BTBD2: variants seen among roughly 807,000 people sequenced by gnomAD.
BTBD2 encodes the protein BTB domain containing 2.
BTBD2 carries 15 observed loss-of-function variants against 44.0 expected under a neutral mutation model. The observed-to-expected ratio is 0.34, with a 90% confidence interval of 0.23 to 0.53. The LOEUF (loss-of-function observed/expected upper bound fraction) is 0.53, where lower values mean the gene tolerates loss of function less well. BTBD2 is among the 20% of genes least tolerant of loss of function. The pLI is 0.95. For synonymous variants in BTBD2, 443 were observed against 335.9 expected (o/e 1.32, Z -3.49); for missense variants, 657 against 746.4 (o/e 0.88, Z 1.39).
chr19:2,000,673 T>C (rs1229052351), intron 1 of BTBD2, among the ~76,000 whole-genome samples: 1 of 151,640 alleles, frequency 6.6e-6, no homozygotes, highest in Admixed American at 6.6e-5. Flanking sequence ...TGTTCCCCCC[T>C]TCATGTATCT....
chr19:1,986,408 TGGG>T lies in BTBD2; in HGVS notation c.*77_*79del. ...GGACACTGGGCCTGGCACCGCGTGGTGGGGGGGCCCCAGCAGCAGATGATGGCC... is the reference window on the plus strand; with the variant it reads ...GGACACTGGGCCTGGCACCGCGTGGTGGGGCCCCAGCAGCAGATGATGGCC... On this transcript the variant is annotated 3_prime_UTR_variant, in exon 9 of 9. Transcript: ENST00000255608. 1 of 1,561,772 alleles carries T rather than the reference TGGG, an allele frequency of 6.4e-7. No homozygotes were observed. Among genetic ancestry groups the T allele is most frequent in the Non-Finnish European group, 8.8e-7 (1 of 1,142,074 alleles).
At chr19:2,012,478 T>G (rs4405674) in intron 1 of BTBD2, among the ~76,000 whole-genome samples, 71,188 of 152,088 alleles carry the variant, frequency 0.47, 16,991 homozygotes, top group East Asian at 0.7. Context: ...GTATTTTCTG[T>G]TCTCCAGCCT....
In BTBD2 at chr19:1,986,482, G is replaced by T; in HGVS notation, c.*6C>A. The T allele has an allele frequency of 6.2e-7, 1 of 1,612,100 alleles. No homozygotes were observed. Among genetic ancestry groups the T allele is most frequent in the Non-Finnish European group, 8.5e-7 (1 of 1,178,434 alleles). ...CGGAGGGAGGGCGGTGTCGGTGTCG[G>T]GCAGCCTAGGTGTAGAAGATGACCT... is the stretch of plus-strand genomic sequence containing the variant. On this transcript the variant is annotated 3_prime_UTR_variant, in exon 9 of 9. Coordinates refer to ENST00000255608, the MANE Select transcript of BTBD2 (RefSeq NM_017797.4).
intron 3 of BTBD2, among the ~76,000 whole-genome samples, chr19:1,992,311 G>A (rs914011465): frequency 1.3e-5 from 2 of 152,040 alleles, no homozygotes; most frequent in Admixed American, 1.3e-4. Flanking sequence ...TGTTGGCCAG[G>A]CTGGTCTCAA....
At chr19:1,989,850 C>T (rs548315714) in intron 5 of BTBD2, 154 bp downstream of exon 5, 37 of 828,724 alleles carry the variant, frequency 4.5e-5, no homozygotes, top group South Asian at 4.1e-4. Flanking sequence ...GCCCTGTGGA[C>T]GCGTCCTCAC....
In BTBD2 at chr19:1,986,899, G is replaced by T; in HGVS notation, c.1347C>A (p.Phe449Leu). The change falls in exon 8 of 9, where the codon TTC becomes TTA. Residue 449 changes from phenylalanine to leucine, a missense_variant. Phe to Leu is a conservative substitution (Grantham distance 22). Transcript: ENST00000255608. The stretch of plus-strand genomic sequence containing the variant: ...CCACCGGCTCCTTGAACATGACGCG[G>T]AAGGTGCTGGCTGAGCCGTCGCAGC... The part of the protein sequence containing the change: ...GFSCDGSAST[F>L]RVMFKEPVEV... The T allele has an allele frequency of 6.2e-7, 1 of 1,613,224 alleles. No individual in the cohort carries two copies.
At chr19:1,999,727 A>G (rs560499226) in intron 1 of BTBD2, among the ~76,000 whole-genome samples, 106 of 151,794 alleles carry the variant, frequency 7.0e-4, no homozygotes, top group Middle Eastern at 3.4e-3. Flanking sequence ...TTGGGAGGCC[A>G]AGGCAGGCAA....
Position 1,986,402 on chromosome 19 carries a change from G to A in BTBD2, c.*86C>T, listed in dbSNP as rs924778037. ...CCTGGGGGACACTGGGCCTGGCACC[G>A]CGTGGTGGGGGGGCCCCAGCAGCAG... is the stretch of plus-strand genomic sequence containing the variant. On this transcript the variant is annotated 3_prime_UTR_variant, in exon 9 of 9. Coordinates refer to ENST00000255608, the MANE Select transcript of BTBD2 (RefSeq NM_017797.4). The A allele has an allele frequency of 1.2e-5, 18 of 1,527,750 alleles. No individual in the cohort carries two copies. Among genetic ancestry groups the A allele is most frequent in the South Asian group, 3.5e-5 (3 of 84,568 alleles). The allele number at this position is 1,527,750 out of a possible 1,614,324, so 94.6% of individuals were successfully genotyped here.
In BTBD2 at chr19:2,015,398, G is replaced by T; in HGVS notation, c.306C>A (p.Thr102=). ...AAYNWQASKP[T]VQERFAFLFN... Reference sequence around the variant, plus strand: ...AGAGGAAGGCGAAGCGCTCCTGCACGGTGGGCTTGCTGGCCTGCCAGTTGT... The same window carrying T: ...AGAGGAAGGCGAAGCGCTCCTGCACTGTGGGCTTGCTGGCCTGCCAGTTGT... Residue 102 remains threonine, a synonymous_variant, in exon 1 of 9, where the codon ACC becomes ACA. Coordinates refer to ENST00000255608, the MANE Select transcript of BTBD2 (RefSeq NM_017797.4). 6.4e-7 allele frequency: 1 copy of T among 1,559,434 alleles called. No individual in the cohort carries two copies. Among genetic ancestry groups the T allele is most frequent in the Non-Finnish European group, 8.6e-7 (1 of 1,161,062 alleles).
chr19:2,015,468 T>G lies in BTBD2; in HGVS notation c.236A>C (p.Glu79Ala), dbSNP rs1316782647. Residue 79 changes from glutamate (E) to alanine (A), a missense_variant, in exon 1 of 9, where the codon GAG (glutamate) becomes GCG (alanine). Transcript: ENST00000255608. ...CGCCGCCGCCCCCGGGCCCGCCGCCTCCTCCGCCCGCTCCGCGCCCGCGGC... is the reference window on the plus strand; with the variant it reads ...CGCCGCCGCCCCCGGGCCCGCCGCCGCCTCCGCCCGCTCCGCGCCCGCGGC... ...AQAAGAERAE[E>A]AAGPGAAALQ... The G allele has an allele frequency of 1.4e-5, 18 of 1,285,540 alleles. No homozygotes were observed. The highest frequency in any genetic ancestry group is 4.3e-5 in the Admixed American group (1 of 23,236). 79.6% of individuals were successfully genotyped at this position (1,285,540 alleles called of 1,614,324 possible).
intron 1 of BTBD2, among the ~76,000 whole-genome samples, chr19:2,002,032 C>G (rs1362053318): frequency 6.6e-6 from 1 of 152,174 alleles, no homozygotes; most frequent in South Asian, 2.1e-4. Flanking sequence ...TGAGCCCCCA[C>G]GCCTGGAAGA....
intron 1 of BTBD2, among the ~76,000 whole-genome samples, chr19:1,999,718 T>C (rs1321714908): frequency 6.6e-6 from 1 of 150,766 alleles, no homozygotes; most frequent in Non-Finnish European, 1.5e-5. Context: ...CCCACCACTT[T>C]GGGAGGCCAA....
rs143402578 is a variant in BTBD2 at position 2,003,850 on chromosome 19, G to A, written c.408-6387C>T. ...GACCCCAAAATCACTACTCCAAAGG[G>A]AAAAATCAAGCTGGAACCGCTTAGG... On this transcript the variant is annotated intron_variant, in intron 1 of 8. Transcript: ENST00000255608. Among the ~76,000 whole-genome samples, 738 of 151,162 alleles carry A rather than the reference G, an allele frequency of 4.9e-3. 3 individuals carry two copies. Among genetic ancestry groups the A allele is most frequent in the Middle Eastern group, 0.01 (3 of 290 alleles).
rs1163740092 is a variant in BTBD2 at position 1,990,106 on chromosome 19, G to A, written c.886C>T (p.Arg296Trp). 3.7e-6 allele frequency: 6 copies of A among 1,612,838 alleles called. No individual in the cohort carries two copies. The highest frequency in any genetic ancestry group is 1.7e-5 in the Admixed American group (1 of 60,004). ...TCTGGCGTCACCTGCAGCTGCTGCCGCTGACACTCGGCCTCGGACCAGCGG... is the reference window on the plus strand; with the variant it reads ...TCTGGCGTCACCTGCAGCTGCTGCCACTGACACTCGGCCTCGGACCAGCGG... ...VVRWSEAECQRQQLQVTPENR... is the reference protein window; with the variant it reads ...VVRWSEAECQWQQLQVTPENR... Residue 296 changes from arginine to tryptophan, a missense_variant, in exon 5 of 9, where the codon CGG becomes TGG. By Grantham distance (101) the Arg-to-Trp change is moderately radical. This residue lies in a region of BTBD2 where 449 missense variants were observed against 510.9 expected (regional missense o/e 0.88). Transcript: ENST00000255608.
chr19:2,010,835 T>A (rs993556993), intron 1 of BTBD2, among the ~76,000 whole-genome samples: 1 of 152,092 alleles, frequency 6.6e-6, no homozygotes, highest in Non-Finnish European at 1.5e-5. Flanking sequence ...GACGGGGTTT[T>A]GCCACGATGG....
chr19:2,005,611 A>G (rs8100027), intron 1 of BTBD2, among the ~76,000 whole-genome samples: 30,670 of 151,434 alleles, frequency 0.2, 3,499 homozygotes, highest in East Asian at 0.3. Flanking sequence ...ATGAAACGCC[A>G]TCTCTCCTAA....
At chr19:1,989,732 A>T (rs2016145772) in intron 5 of BTBD2, 1 of 507,258 alleles carries the variant, frequency 2.0e-6, no homozygotes, top group South Asian at 2.2e-5. Flanking sequence ...CGAGACGGGG[A>T]CTCCCTTCCC....
Position 1,990,702 on chromosome 19 carries a change from C to G in BTBD2, c.790+15G>C, listed in dbSNP as rs2016163600. 2 of 1,582,274 alleles carry G rather than the reference C, an allele frequency of 1.3e-6. No individual in the cohort carries two copies. The highest frequency in any genetic ancestry group is 1.8e-4 in the Middle Eastern group (1 of 5,670). On this transcript the variant is annotated intron_variant, in intron 4 of 8. Coordinates refer to ENST00000255608, the MANE Select transcript of BTBD2 (RefSeq NM_017797.4). The stretch of plus-strand genomic sequence containing the variant: ...CCCCGCTGGGATTCCCACACCTGGG[C>G]TCCTGGGCCCTTACCCAGGTCAATG...
At chr19:1,994,230 C>T (rs1050802228) in intron 2 of BTBD2, among the ~76,000 whole-genome samples, 1 of 151,606 alleles carries the variant, frequency 6.6e-6, no homozygotes, top group Non-Finnish European at 1.5e-5. Flanking sequence ...GCACAAGAAT[C>T]GCTTGAACCC....
Sources: allele counts gnomAD v4.1 joint callset (sites outside exome capture counted in the v4.1 genomes callset), GRCh38; gene constraint gnomAD v4.1.1; regional missense constraint gnomAD v4.1.1; transcripts MANE v1.5; gene names NCBI Gene and HGNC (gene_info 2026-07-23, HGNC 2026-07-21).